TENM3: variants seen among roughly 807,000 people sequenced by gnomAD.
The protein encoded by TENM3 is teneurin transmembrane protein 3.
Under a neutral mutation model 255.1 loss-of-function variants are expected in TENM3, and 63 were observed. The observed-to-expected ratio is 0.25, with a 90% CI of 0.20 to 0.30. TENM3 has a LOEUF of 0.30. Among genes scored for constraint, TENM3 ranks in the 10% least tolerant of loss-of-function variants. The probability of loss-of-function intolerance (pLI) is 1.00; values close to 1 mark genes in which losing one functional copy is unlikely to be tolerated. For missense variants in TENM3, 2,929 were observed against 3,461.1 expected, an observed-to-expected ratio of 0.85 and a Z score of 3.86; for synonymous variants, 1,306 against 1,322.3, an observed-to-expected ratio of 0.99 and a Z score of 0.27.
intron 1 of TENM3, among the ~76,000 whole-genome samples, chr4:182,230,984 T>A (rs940901265): frequency 6.6e-6 from 1 of 151,334 alleles, no homozygotes; most frequent in African/African-American, 2.4e-5. Context: ...GGGCCAGACC[T>A]GAGGGTCTCT....
chr4:182,333,832 A>T (rs1763928618), intron 2 of TENM3, among the ~76,000 whole-genome samples: 1 of 152,030 alleles, frequency 6.6e-6, no homozygotes, highest in African/African-American at 2.4e-5. Flanking sequence ...TCTAGAAATT[A>T]AAAAAAAGGA....
chr4:182,523,633 A>C (rs1184545825), intron 3 of TENM3, among the ~76,000 whole-genome samples: 6 of 152,122 alleles, frequency 3.9e-5, no homozygotes, highest in Non-Finnish European at 5.9e-5. Flanking sequence ...AATTAGAGAA[A>C]ATGTTATTCC....
the TENM3 span, among the ~76,000 whole-genome samples, chr4:181,571,150 T>C: frequency 6.6e-6 from 1 of 152,122 alleles, no homozygotes; most frequent in South Asian, 2.1e-4. Flanking sequence ...TGTTCGCCAC[T>C]GTGGGATATC....
the TENM3 span, among the ~76,000 whole-genome samples, chr4:181,823,604 G>A: frequency 6.6e-6 from 1 of 152,088 alleles, no homozygotes; most frequent in African/African-American, 2.4e-5. Flanking sequence ...ATATATGACT[G>A]TAATCACAAT....
At chr4:181,768,593 T>C in the TENM3 span, among the ~76,000 whole-genome samples, 1 of 152,226 alleles carries the variant, frequency 6.6e-6, no homozygotes, top group Admixed American at 6.5e-5. Context: ...TTAGTTTTTT[T>C]CCCTCATTAG....
chr4:181,563,433 G>A, the TENM3 span, among the ~76,000 whole-genome samples: 22 of 152,218 alleles, frequency 1.4e-4, no homozygotes, highest in East Asian at 2.7e-3. Flanking sequence ...TTATCTTGAC[G>A]TAACTAATGA....
chr4:181,895,738 G>T, the TENM3 span, among the ~76,000 whole-genome samples: 1 of 151,540 alleles, frequency 6.6e-6, no homozygotes, highest in Non-Finnish European at 1.5e-5. Context: ...TAGAGACAAG[G>T]TCTCACTGTG....
At chr4:181,644,432 TAA>T in the TENM3 span, among the ~76,000 whole-genome samples, 11 of 146,340 alleles carry the variant, frequency 7.5e-5, no homozygotes, top group African/African-American at 1.3e-4. Context: ...TCTCTTATCT[TAA>T]AAAAAAAAAA....
the TENM3 span, among the ~76,000 whole-genome samples, chr4:181,676,405 T>C: frequency 7.1e-6 from 1 of 141,038 alleles, no homozygotes; most frequent in Non-Finnish European, 1.5e-5. Flanking sequence ...TCAGGAGGTA[T>C]ATGTGCAGGT....
chr4:182,800,357 G>A lies in TENM3; in HGVS notation c.*6G>A. 6.6e-7 allele frequency: 1 copy of A among 1,526,636 alleles called. No individual in the cohort carries two copies. Among genetic ancestry groups the A allele is most frequent in the South Asian group, 1.2e-5 (1 of 80,684 alleles). The allele number at this position is 1,526,636 out of a possible 1,614,324, so 94.6% of individuals were successfully genotyped here. Reference sequence around the variant, plus strand: ...GCGAGATCGGCAGGAGGTAACGCCCGGGCCGCGCCCGCCGAGCCGCTCACG... The same window carrying A: ...GCGAGATCGGCAGGAGGTAACGCCCAGGCCGCGCCCGCCGAGCCGCTCACG... On this transcript the variant is annotated 3_prime_UTR_variant, in exon 28 of 28. Transcript: ENST00000511685.
At chr4:182,788,335 C>T (rs527462867) in intron 24 of TENM3, among the ~76,000 whole-genome samples, 1 of 152,158 alleles carries the variant, frequency 6.6e-6, no homozygotes, top group East Asian at 1.9e-4. Context: ...ATAATGAAGG[C>T]TGGGTTGTGT....
At chr4:181,678,841 C>CAAAAA in the TENM3 span, among the ~76,000 whole-genome samples, 59 of 102,872 alleles carry the variant, frequency 5.7e-4, no homozygotes, top group East Asian at 6.0e-3. Context: ...ATGTTTTAAA[C>CAAAAA]AAAAAAAAAA....
chr4:182,653,732 G>T, intron 5 of TENM3, 39 bp from the exon 6 acceptor site: 1 of 1,555,952 alleles, frequency 6.4e-7, no homozygotes, highest in Non-Finnish European at 8.7e-7. Flanking sequence ...GTAGCTGAAG[G>T]CAGCAGATCT....
chr4:182,686,595 A>G (rs1218537909), intron 11 of TENM3, among the ~76,000 whole-genome samples: 1 of 152,162 alleles, frequency 6.6e-6, no homozygotes, highest in East Asian at 1.9e-4. Context: ...GAAGAAATGA[A>G]TTATTTCCAT....
chr4:182,649,773 C>T (rs573603032), intron 5 of TENM3, among the ~76,000 whole-genome samples: 5 of 150,400 alleles, frequency 3.3e-5, no homozygotes, highest in African/African-American at 1.2e-4. Context: ...GTGATATCCT[C>T]GGCCCCAGCC....
At chr4:182,607,801 A>C (rs1428322731) in intron 4 of TENM3, among the ~76,000 whole-genome samples, 2 of 152,340 alleles carry the variant, frequency 1.3e-5, no homozygotes, top group African/African-American at 4.8e-5. Context: ...ATATTCTGAT[A>C]ATGTTTGGCT....
the TENM3 span, among the ~76,000 whole-genome samples, chr4:181,730,909 TTGAC>T: frequency 2.0e-5 from 3 of 152,312 alleles, no homozygotes; most frequent in South Asian, 6.2e-4. Flanking sequence ...TCGTATTTAT[TTGAC>T]TGTTCCTTAA....
the TENM3 span, among the ~76,000 whole-genome samples, chr4:181,783,739 G>A: frequency 6.6e-6 from 1 of 152,154 alleles, no homozygotes; most frequent in Non-Finnish European, 1.5e-5. Flanking sequence ...TGTTGTCCAG[G>A]CGAGAGTGCA....
chr4:181,476,212 T>TGTTTG, the TENM3 span, among the ~76,000 whole-genome samples: 7 of 147,878 alleles, frequency 4.7e-5, no homozygotes, highest in African/African-American at 7.4e-5. Context: ...AGGGGTTTTT[T>TGTTTG]TTTTTTTTTT....
Sources: gnomAD v4.1 joint callset for allele counts (sites outside exome capture counted in the v4.1 genomes callset) on GRCh38, gnomAD v4.1.1 for gene constraint, MANE v1.5 for transcripts, NCBI Gene and HGNC (gene_info 2026-07-23, HGNC 2026-07-21) for gene names.